DCBLD2: variants seen among roughly 807,000 people sequenced by gnomAD.
DCBLD2 encodes discoidin, CUB and LCCL domain containing 2, also known as discoidin, CUB and LCCL domain-containing protein 2.
DCBLD2 carries 54 observed loss-of-function variants against 86.8 expected under a neutral mutation model. The observed-to-expected ratio is 0.62, with a 90% CI of 0.50 to 0.78. The LOEUF (loss-of-function observed/expected upper bound fraction) is 0.78, where lower values mean the gene tolerates loss of function less well. Among genes scored for constraint, DCBLD2 ranks in the 30% least tolerant of loss-of-function variants. DCBLD2 has a pLI of 0.00. For synonymous variants in DCBLD2, 354 were observed against 341.3 expected (o/e 1.04, Z -0.41); for missense variants, 908 against 954.2 (o/e 0.95, Z 0.64).
At chr3:98,839,140 CTTCCTTCT>C (rs375691396) in intron 3 of DCBLD2, among the ~76,000 whole-genome samples, 51,805 of 101,144 alleles carry the variant, frequency 0.51, 9,808 homozygotes, top group South Asian at 0.54. Flanking sequence ...TCCTTCCTTC[CTTCCTTCT>C]TTCTTTCTTT....
chr3:98,873,778 A>G (rs1943319469), intron 2 of DCBLD2, among the ~76,000 whole-genome samples: 1 of 152,170 alleles, frequency 6.6e-6, no homozygotes, highest in Non-Finnish European at 1.5e-5. Flanking sequence ...CAGAAAAACA[A>G]TAGTTCTAAT....
chr3:98,819,327 C>A lies in DCBLD2; in HGVS notation c.962G>T (p.Gly321Val). ...TTTGGGTTTCCAACTGTTCTCTTGC[C>A]CTGTGTGGTCAGTCCACTCCAGCAC... Reference protein sequence around the residue: ...SSVLEWTDHTGQENSWKPKKA... With the variant: ...SSVLEWTDHTVQENSWKPKKA... Residue 321 changes from glycine (G) to valine (V), a missense_variant, in exon 8 of 16, where the codon GGG (glycine) becomes GTG (valine). This residue lies in a region of DCBLD2 where 606 missense variants were observed against 678.5 expected (regional missense o/e 0.89). Coordinates refer to ENST00000326840, the MANE Select transcript of DCBLD2 (RefSeq NM_080927.4). 1 of 1,613,794 alleles carries A rather than the reference C, an allele frequency of 6.2e-7. No homozygotes were observed.
intron 3 of DCBLD2, among the ~76,000 whole-genome samples, chr3:98,836,567 G>A (rs1942454354): frequency 6.6e-6 from 1 of 150,776 alleles, no homozygotes. Context: ...ATTCCACAAA[G>A]CCGCCATTGT....
intron 2 of DCBLD2, among the ~76,000 whole-genome samples, chr3:98,863,252 G>T (rs906901137): frequency 1.3e-5 from 2 of 152,146 alleles, no homozygotes; most frequent in East Asian, 1.9e-4. Flanking sequence ...GGCTCATGGA[G>T]AGGAAGAATC....
Position 98,798,331 on chromosome 3 carries a change from T to TA in DCBLD2, c.*1040dup, listed in dbSNP as rs1398226633. The TA allele has an allele frequency of 1.3e-5, 2 of 152,206 alleles. No homozygotes were observed. The highest frequency in any genetic ancestry group is 4.8e-5 in the African/African-American group (2 of 41,458). The allele number at this position is 152,206 out of a possible 1,614,324, so 9.4% of individuals were successfully genotyped here. A position where few individuals can be genotyped will look rare whatever the true frequency, so the allele number is the denominator to read the frequency against. On this transcript the variant is annotated 3_prime_UTR_variant, in exon 16 of 16. Coordinates refer to ENST00000326840, the MANE Select transcript of DCBLD2 (RefSeq NM_080927.4). ...TACCTTGAGACTCAAGAAAAATGTATATGTTTGTGAATGTATAAAACCAAA... is the reference window on the plus strand; with the variant it reads ...TACCTTGAGACTCAAGAAAAATGTATAATGTTTGTGAATGTATAAAACCAAA...
intron 2 of DCBLD2, among the ~76,000 whole-genome samples, chr3:98,863,733 A>C (rs907479894): frequency 3.3e-5 from 5 of 152,238 alleles, no homozygotes; most frequent in Non-Finnish European, 7.3e-5. Flanking sequence ...TAAAGACTTA[A>C]ATGTTAGACC....
intron 2 of DCBLD2, among the ~76,000 whole-genome samples, chr3:98,850,126 C>G (rs909728323): frequency 2.6e-5 from 4 of 152,182 alleles, no homozygotes; most frequent in Admixed American, 6.5e-5. Flanking sequence ...TGACAACTCA[C>G]AAGCTTAACC....
chr3:98,900,379 G>C (rs1474774572), intron 1 of DCBLD2, among the ~76,000 whole-genome samples: 1 of 152,026 alleles, frequency 6.6e-6, no homozygotes, highest in East Asian at 1.9e-4. Flanking sequence ...TACTAAAGGG[G>C]AAAAGAAATC....
chr3:98,803,935 G>T (rs1278803695), intron 13 of DCBLD2, among the ~76,000 whole-genome samples: 1 of 152,192 alleles, frequency 6.6e-6, no homozygotes, highest in East Asian at 1.9e-4. Flanking sequence ...CGTGCTGCTG[G>T]ATTCGGTTTG....
At chr3:98,839,106 TTTC>T (rs1237699648) in intron 3 of DCBLD2, among the ~76,000 whole-genome samples, 2 of 106,240 alleles carry the variant, frequency 1.9e-5, no homozygotes, top group African/African-American at 6.4e-5. Context: ...TGCTCCCTTC[TTTC>T]TTTCTTTCTT....
At chr3:98,870,062 C>T (rs1431684029) in intron 2 of DCBLD2, among the ~76,000 whole-genome samples, 1 of 152,186 alleles carries the variant, frequency 6.6e-6, no homozygotes, top group Non-Finnish European at 1.5e-5. Context: ...TGAGTATTCT[C>T]AGAGCAAATG....
chr3:98,805,847 C>A (rs1277413547), intron 13 of DCBLD2, among the ~76,000 whole-genome samples: 1 of 152,176 alleles, frequency 6.6e-6, no homozygotes, highest in Admixed American at 6.6e-5. Context: ...CCCCCTCACA[C>A]CCTGTGCTTT....
At chr3:98,824,496 G>C (rs1201206866) in intron 4 of DCBLD2, among the ~76,000 whole-genome samples, 2 of 152,088 alleles carry the variant, frequency 1.3e-5, no homozygotes, top group Non-Finnish European at 2.9e-5. Flanking sequence ...TTCCCACACA[G>C]AACCATTCTT....
intron 13 of DCBLD2, among the ~76,000 whole-genome samples, chr3:98,802,893 G>C (rs1366941097): frequency 6.6e-6 from 1 of 152,238 alleles, no homozygotes; most frequent in South Asian, 2.1e-4. Flanking sequence ...GCTCTGTTCT[G>C]TTCCATTGGT....
At chr3:98,880,667 C>T (rs1004597388) in intron 2 of DCBLD2, among the ~76,000 whole-genome samples, 1 of 152,198 alleles carries the variant, frequency 6.6e-6, no homozygotes, top group Non-Finnish European at 1.5e-5. Context: ...ACAATGGCCA[C>T]TACCATTTAC....
intron 2 of DCBLD2, among the ~76,000 whole-genome samples, chr3:98,858,015 G>A (rs1942968439): frequency 6.6e-6 from 1 of 152,238 alleles, no homozygotes; most frequent in African/African-American, 2.4e-5. Flanking sequence ...GGGTGCCATG[G>A]AGCAGGGGGC....
intron 2 of DCBLD2, among the ~76,000 whole-genome samples, chr3:98,852,633 TG>T (rs1942860845): frequency 6.6e-6 from 1 of 152,252 alleles, no homozygotes; most frequent in Non-Finnish European, 1.5e-5. Context: ...GAGATTTTTC[TG>T]GGTAAGCCTG....
At chr3:98,887,288 A>G (rs1336817390) in intron 1 of DCBLD2, among the ~76,000 whole-genome samples, 1 of 151,966 alleles carries the variant, frequency 6.6e-6, no homozygotes, top group Non-Finnish European at 1.5e-5. Context: ...ATGAGAAAGC[A>G]TGGAGCTTTT....
chr3:98,893,809 A>T (rs1837500), intron 1 of DCBLD2, among the ~76,000 whole-genome samples: 1 of 152,172 alleles, frequency 6.6e-6, no homozygotes, highest in African/African-American at 2.4e-5. Flanking sequence ...GGAAGAGGAC[A>T]AGGTTTCAGT....
Sources: allele counts gnomAD v4.1 joint callset (sites outside exome capture counted in the v4.1 genomes callset), GRCh38; gene constraint gnomAD v4.1.1; regional missense constraint gnomAD v4.1.1; transcripts MANE v1.5; gene names NCBI Gene and HGNC (gene_info 2026-07-23, HGNC 2026-07-21).